Variants in RANBP2 observed in about 807,000 individuals in gnomAD.
RANBP2 encodes E3 SUMO-protein ligase RanBP2.
In RANBP2, 57 loss-of-function variants were observed where a neutral mutation model predicts 303.6. That is an observed-to-expected ratio of 0.19 (90% confidence interval 0.15 to 0.23). RANBP2 has a LOEUF of 0.23. RANBP2 is among the 10% of genes least tolerant of loss of function. The probability of loss-of-function intolerance (pLI) is 1.00; values close to 1 mark genes in which losing one functional copy is unlikely to be tolerated. For synonymous variants in RANBP2, 1,167 were observed against 1,301.5 expected (o/e 0.90, Z 2.23); for missense variants, 3,138 against 3,780.8 (o/e 0.83, Z 4.46).
chr2:109,679,041 T>C, the RANBP2 span, among the ~76,000 whole-genome samples: 2 of 152,202 alleles, frequency 1.3e-5, no homozygotes, highest in Non-Finnish European at 2.9e-5. Flanking sequence ...CATGCTTGAA[T>C]GAAGGTTCTC....
At chr2:109,713,185 T>C in the RANBP2 span, among the ~76,000 whole-genome samples, 1 of 152,260 alleles carries the variant, frequency 6.6e-6, no homozygotes, top group South Asian at 2.1e-4. Flanking sequence ...GGAAGCATGG[T>C]GCAGACCCAC....
the RANBP2 span, chr2:108,876,682 T>C: frequency 1.3e-5 from 2 of 152,538 alleles, no homozygotes; most frequent in African/African-American, 2.4e-5. Context: ...TACCATAACT[T>C]TTCTATATAC....
the RANBP2 span, among the ~76,000 whole-genome samples, chr2:109,222,600 C>T: frequency 2.6e-5 from 4 of 152,208 alleles, no homozygotes; most frequent in African/African-American, 7.2e-5. Flanking sequence ...ATCCACAGCA[C>T]GCGTGTGCCC....
chr2:108,996,365 A>G, the RANBP2 span, among the ~76,000 whole-genome samples: 1 of 152,198 alleles, frequency 6.6e-6, no homozygotes, highest in Non-Finnish European at 1.5e-5. Context: ...TGGGCTGGAC[A>G]CTAGAGAGCT....
chr2:109,254,719 C>T, the RANBP2 span, among the ~76,000 whole-genome samples: 4 of 152,128 alleles, frequency 2.6e-5, no homozygotes, highest in East Asian at 1.9e-4. Flanking sequence ...CTGTGCCAGC[C>T]GCTCCCATGA....
At chr2:109,347,235 A>G in the RANBP2 span, among the ~76,000 whole-genome samples, 1 of 152,212 alleles carries the variant, frequency 6.6e-6, no homozygotes, top group African/African-American at 2.4e-5. Context: ...AAAATGATTC[A>G]GCATAGAGTA....
chr2:109,379,816 C>T, the RANBP2 span, among the ~76,000 whole-genome samples: 1 of 151,994 alleles, frequency 6.6e-6, no homozygotes, highest in Non-Finnish European at 1.5e-5. Context: ...GGCAGGAAAG[C>T]CAGAAGCGAG....
the RANBP2 span, among the ~76,000 whole-genome samples, chr2:109,603,593 G>T: frequency 6.6e-6 from 1 of 152,168 alleles, no homozygotes; most frequent in East Asian, 1.9e-4. Flanking sequence ...CAGACCCCAG[G>T]TATTGTGGAT....
the RANBP2 span, among the ~76,000 whole-genome samples, chr2:109,416,732 TACA>T: frequency 6.6e-6 from 1 of 151,488 alleles, no homozygotes; most frequent in African/African-American, 2.4e-5. Context: ...TCTGTCTCAA[TACA>T]ACAACAACAA....
the RANBP2 span, chr2:109,371,483 TG>T: frequency 1.2e-4 from 109 of 872,196 alleles, no homozygotes; most frequent in South Asian, 1.6e-3. Flanking sequence ...ACTCATTCCT[TG>T]GAATCTCTTC....
the RANBP2 span, among the ~76,000 whole-genome samples, chr2:109,262,320 G>A: frequency 1.2e-4 from 19 of 152,190 alleles, no homozygotes; most frequent in Non-Finnish European, 2.6e-4. Context: ...TAACCACGGT[G>A]GAAAAGCACC....
At chr2:109,124,695 T>A in the RANBP2 span, 3 of 152,214 alleles carry the variant, frequency 2.0e-5, no homozygotes, top group African/African-American at 4.8e-5. Context: ...TTCAGTGGCA[T>A]TAAGTGGATT....
chr2:109,691,523 A>G, the RANBP2 span, among the ~76,000 whole-genome samples: 1 of 152,110 alleles, frequency 6.6e-6, no homozygotes. Context: ...GCTTAGCTTC[A>G]GGGGCCAGGC....
intron 1 of RANBP2, among the ~76,000 whole-genome samples, chr2:108,728,026 A>ACTGAT (rs1357766412): frequency 6.6e-6 from 1 of 152,190 alleles, no homozygotes; most frequent in Non-Finnish European, 1.5e-5. Flanking sequence ...ACTGTAAAAT[A>ACTGAT]CTGATCTGAT....
the RANBP2 span, among the ~76,000 whole-genome samples, chr2:109,030,390 A>G: frequency 6.6e-6 from 1 of 152,214 alleles, no homozygotes; most frequent in Non-Finnish European, 1.5e-5. Context: ...CCCATTGTTA[A>G]TGTCATTGGA....
chr2:108,877,304 C>CAA, the RANBP2 span, among the ~76,000 whole-genome samples: 160 of 149,464 alleles, frequency 1.1e-3, no homozygotes, highest in South Asian at 9.6e-3. Flanking sequence ...CCCGTCTCTA[C>CAA]AAAAAAAAAC....
At chr2:109,438,399 G>A in the RANBP2 span, among the ~76,000 whole-genome samples, 1 of 152,182 alleles carries the variant, frequency 6.6e-6, no homozygotes, top group Non-Finnish European at 1.5e-5. Flanking sequence ...TGGACTTCAG[G>A]TGCCCAGTGT....
chr2:108,797,974 T>A, the RANBP2 span, among the ~76,000 whole-genome samples: 5,689 of 151,778 alleles, frequency 0.037, 149 homozygotes, highest in Non-Finnish European at 0.057. Context: ...TTTTTTTTTT[T>A]TTTTCTCCAG....
chr2:108,913,238 C>T, the RANBP2 span, among the ~76,000 whole-genome samples: 24 of 152,078 alleles, frequency 1.6e-4, no homozygotes, highest in African/African-American at 4.1e-4. Flanking sequence ...CATGAGCCAC[C>T]GCGCCCGGCT....
Sources: allele counts gnomAD v4.1 joint callset (sites outside exome capture counted in the v4.1 genomes callset), GRCh38; gene constraint gnomAD v4.1.1; transcripts MANE v1.5; gene names NCBI Gene and HGNC (gene_info 2026-07-23, HGNC 2026-07-21).